Variants in MRE11 observed in about 807,000 individuals in gnomAD.
MRE11 encodes double-strand break repair protein MRE11.
A neutral mutation model predicts 91.7 loss-of-function variants in MRE11; 62 were observed. The ratio of observed to expected loss-of-function variants is 0.68; its 90% confidence interval spans 0.55 to 0.84. The LOEUF (loss-of-function observed/expected upper bound fraction) is 0.84, where lower values mean the gene tolerates loss of function less well. Ranked by LOEUF, MRE11 falls within the 40% of genes least tolerant of loss-of-function variation. MRE11 has a pLI of 0.00. For synonymous variants in MRE11, 273 were observed against 271.4 expected, an observed-to-expected ratio of 1.01 and a Z score of -0.06; for missense variants, 796 against 852.9, an observed-to-expected ratio of 0.93 and a Z score of 0.83.
intron 9 of MRE11, among the ~76,000 whole-genome samples, chr11:94,469,215 T>C (rs978984094): frequency 1.3e-5 from 2 of 152,166 alleles, no homozygotes; most frequent in Non-Finnish European, 2.9e-5. Flanking sequence ...GTTCATACAG[T>C]AGACCTCAAC....
intron 19 of MRE11, among the ~76,000 whole-genome samples, chr11:94,422,932 T>C (rs1453104184): frequency 6.6e-6 from 1 of 152,088 alleles, no homozygotes; most frequent in Non-Finnish European, 1.5e-5. Flanking sequence ...AGGCTGGTCA[T>C]GAACTCCCGA....
In MRE11 at chr11:94,457,844, C is replaced by G. The variant is rs141222389; in HGVS notation, c.1501-1506G>C. On this transcript the variant is annotated intron_variant, in intron 13 of 19. Transcript: ENST00000323929. ...GTGTCTGGTCAGAGCCACCATGACT[C>G]ACACACACTCTTTCTCTTTCTCTCT... is the stretch of plus-strand genomic sequence containing the variant. Among the ~76,000 whole-genome samples the G allele has an allele frequency of 2.1e-4, 32 of 149,478 alleles. No individual in the cohort carries two copies. The East Asian group carries it at 6.4e-3, about 30-fold the overall frequency.
chr11:94,498,108 C>T (rs749730064), upstream of MRE11: 54 of 1,613,278 alleles, frequency 3.3e-5, no homozygotes, highest in South Asian at 5.3e-4. Context: ...GAAAAGGCCA[C>T]TCACGTGAAC....
the MRE11 span, among the ~76,000 whole-genome samples, chr11:94,508,363 C>G: frequency 2.0e-4 from 31 of 152,200 alleles, no homozygotes; most frequent in Non-Finnish European, 3.4e-4. Context: ...ATGAGGAAGA[C>G]ATCATGAAGG....
chr11:94,497,063 A>T (rs1259864975), upstream of MRE11: 5 of 1,378,286 alleles, frequency 3.6e-6, no homozygotes, highest in Non-Finnish European at 5.1e-6. Context: ...GATTGTGAGG[A>T]CCAAATGAGA....
At chr11:94,495,064 C>T (rs1413799103), upstream of MRE11, among the ~76,000 whole-genome samples, 4 of 152,124 alleles carry the variant, frequency 2.6e-5, no homozygotes, top group Non-Finnish European at 5.9e-5. Flanking sequence ...CTTAGGAATA[C>T]TTTAGTAAAA....
chr11:94,502,286 T>C, the MRE11 span, among the ~76,000 whole-genome samples: 7 of 152,242 alleles, frequency 4.6e-5, no homozygotes, highest in African/African-American at 1.7e-4. Flanking sequence ...TAGTATTTGA[T>C]ATGTATTTGT....
At chr11:94,449,235 T>C (rs2134922723) in intron 14 of MRE11, among the ~76,000 whole-genome samples, 1 of 152,210 alleles carries the variant, frequency 6.6e-6, no homozygotes, top group Non-Finnish European at 1.5e-5. Context: ...TCAGCTGAGG[T>C]GAAATCACAG....
chr11:94,495,852 G>C (rs1231141285), upstream of MRE11, among the ~76,000 whole-genome samples: 1 of 152,134 alleles, frequency 6.6e-6, no homozygotes, highest in Non-Finnish European at 1.5e-5. Context: ...ACCTACACTA[G>C]AGTAAGCTTC....
upstream of MRE11, chr11:94,498,647 T>C: frequency 1.1e-6 from 1 of 889,880 alleles, no homozygotes; most frequent in Non-Finnish European, 1.7e-6. Context: ...GTGACATTCA[T>C]TATAACATTC....
At chr11:94,480,624 G>A (rs144625615) in intron 4 of MRE11, among the ~76,000 whole-genome samples, 25 of 152,350 alleles carry the variant, frequency 1.6e-4, no homozygotes, top group Middle Eastern at 3.4e-3. Flanking sequence ...AGGTCAAAGA[G>A]TACATGTATT....
chr11:94,496,738 G>A (rs143188271), upstream of MRE11: 12 of 1,610,556 alleles, frequency 7.5e-6, no homozygotes, highest in African/African-American at 1.3e-5. Flanking sequence ...CAGACCAAGA[G>A]AATTCCTTGG....
At position 94,418,571 on chromosome 11, in the gene MRE11, G is replaced by C. The variant is rs886048751; in HGVS notation, c.*1554C>G. On this transcript the variant is annotated 3_prime_UTR_variant, in exon 20 of 20. Transcript: ENST00000323929. ...GGCTTGTGCAGGGGTAGGTAGCACA[G>C]CATCATCCAGACACTGCCTCCCCTG... is the stretch of plus-strand genomic sequence containing the variant. 5.6e-5 allele frequency: 13 copies of C among 232,354 alleles called. No homozygotes were observed. Among genetic ancestry groups the C allele is most frequent in the Non-Finnish European group, 1.0e-4 (12 of 117,650 alleles). The allele number at this position is 232,354 out of a possible 1,614,324, so 14.4% of individuals were successfully genotyped here. A position where few individuals can be genotyped will look rare whatever the true frequency, so the allele number is the denominator to read the frequency against.
intron 14 of MRE11, among the ~76,000 whole-genome samples, chr11:94,452,415 C>T (rs556646663): frequency 1.2e-3 from 180 of 152,192 alleles, no homozygotes; most frequent in African/African-American, 1.4e-3. Context: ...AGTAATACAT[C>T]ACGATGGTAA....
chr11:94,463,358 T>C (rs541243619), intron 11 of MRE11, among the ~76,000 whole-genome samples: 84 of 152,326 alleles, frequency 5.5e-4, no homozygotes, highest in African/African-American at 1.9e-3. Flanking sequence ...TCAACCATTG[T>C]GGAAGACAGT....
chr11:94,506,083 C>A, the MRE11 span, among the ~76,000 whole-genome samples: 1 of 152,118 alleles, frequency 6.6e-6, no homozygotes, highest in East Asian at 1.9e-4. Context: ...TTTCTCAAAA[C>A]ACACTCCCAC....
chr11:94,459,689 G>C, intron 12 of MRE11, 108 bp from the exon 13 acceptor site: 1 of 1,207,216 alleles, frequency 8.3e-7, no homozygotes, highest in Non-Finnish European at 1.2e-6. Context: ...AAAATATAGT[G>C]AACAGCTGTA....
chr11:94,479,209 T>C (rs1218711210), intron 5 of MRE11, among the ~76,000 whole-genome samples: 3 of 152,160 alleles, frequency 2.0e-5, no homozygotes, highest in African/African-American at 7.2e-5. Flanking sequence ...AAAAAGACCA[T>C]AGATAATCAG....
chr11:94,497,591 G>A (rs954641857), upstream of MRE11: 1 of 156,282 alleles, frequency 6.4e-6, no homozygotes, highest in African/African-American at 2.4e-5. Context: ...GTATTGAGAA[G>A]GAATTGAGCT....
Sources: gnomAD v4.1 joint callset for allele counts (sites outside exome capture counted in the v4.1 genomes callset) on GRCh38, gnomAD v4.1.1 for gene constraint, MANE v1.5 for transcripts, NCBI Gene and HGNC (gene_info 2026-07-23, HGNC 2026-07-21) for gene names.